Variants in CD2AP observed in about 807,000 individuals in gnomAD.
The protein encoded by CD2AP is CD2 associated protein.
CD2AP carries 46 observed loss-of-function variants against 85.1 expected under a neutral mutation model. That is an observed-to-expected ratio of 0.54 (90% CI 0.43 to 0.69). The LOEUF (loss-of-function observed/expected upper bound fraction) is 0.69. CD2AP is among the 30% of genes least tolerant of loss of function. CD2AP has a pLI of 0.00. For synonymous variants in CD2AP, 255 were observed against 252.9 expected, an observed-to-expected ratio of 1.01 and a Z score of -0.08; for missense variants, 769 against 729.5, an observed-to-expected ratio of 1.05 and a Z score of -0.62.
chr6:47,595,102 T>A (rs1461337811), intron 11 of CD2AP, among the ~76,000 whole-genome samples: 1 of 152,076 alleles, frequency 6.6e-6, no homozygotes, highest in Admixed American at 6.6e-5. Context: ...TTTTAATACC[T>A]ATTTATGAGC....
At chr6:47,589,394 A>ACACACACACACACACACAC (rs70999637) in intron 11 of CD2AP, among the ~76,000 whole-genome samples, 1 of 151,426 alleles carries the variant, frequency 6.6e-6, no homozygotes, top group South Asian at 2.1e-4. Flanking sequence ...ACACACACAC[A>ACACACACACACACACACAC]AATGTATATA....
intron 1 of CD2AP, among the ~76,000 whole-genome samples, chr6:47,487,496 C>T (rs927539430): frequency 2.6e-5 from 4 of 152,136 alleles, no homozygotes; most frequent in African/African-American, 9.7e-5. Flanking sequence ...CGAGACCATC[C>T]TGGCTAACAC....
chr6:47,605,577 G>A (rs760002947), intron 13 of CD2AP, among the ~76,000 whole-genome samples: 1 of 151,650 alleles, frequency 6.6e-6, no homozygotes, highest in African/African-American at 2.4e-5. Context: ...TCTAAACAAA[G>A]GTGCAGTGAA....
At chr6:47,583,263 CACT>C (rs1768530436) in intron 11 of CD2AP, among the ~76,000 whole-genome samples, 1 of 152,166 alleles carries the variant, frequency 6.6e-6, no homozygotes. Flanking sequence ...CCTACATTGA[CACT>C]TCTTTATCAC....
chr6:47,553,809 C>G (rs897085243), intron 4 of CD2AP, among the ~76,000 whole-genome samples: 1 of 151,996 alleles, frequency 6.6e-6, no homozygotes, highest in Non-Finnish European at 1.5e-5. Flanking sequence ...GTGTTTGATT[C>G]ATGAGGATAT....
At chr6:47,594,589 G>C (rs184579164) in intron 11 of CD2AP, among the ~76,000 whole-genome samples, 1 of 151,804 alleles carries the variant, frequency 6.6e-6, no homozygotes, top group Non-Finnish European at 1.5e-5. Context: ...ATTTAAGTTT[G>C]GCTGGTTGTT....
intron 2 of CD2AP, among the ~76,000 whole-genome samples, chr6:47,524,916 A>G (rs2114012029): frequency 6.6e-6 from 1 of 152,320 alleles, no homozygotes; most frequent in South Asian, 2.1e-4. Flanking sequence ...GACGATACGT[A>G]CTGATTTCAT....
At chr6:47,576,753 C>G (rs1768324290) in intron 7 of CD2AP, 151 bp downstream of exon 7, 2 of 685,646 alleles carry the variant, frequency 2.9e-6, no homozygotes, top group Non-Finnish European at 5.1e-6. Flanking sequence ...TTTTGATATA[C>G]TTTGTTGGTT....
intron 2 of CD2AP, among the ~76,000 whole-genome samples, chr6:47,517,917 C>T (rs1050378300): frequency 2.0e-5 from 3 of 151,954 alleles, no homozygotes; most frequent in Admixed American, 6.6e-5. Context: ...TAGTAGACTT[C>T]GCTTACTAAA....
chr6:47,495,183 T>C lies in CD2AP; in HGVS notation c.5-8097T>C, dbSNP rs569767473. 3.8e-4 allele frequency among the ~76,000 whole-genome samples: 58 copies of C among 152,112 alleles called. No homozygotes were observed. The South Asian group carries it at 0.011, about 30-fold the overall frequency. ...GCGTCAAAAAGAGAGAGAGAAATAG[T>C]CTTTTCAGGTGTGATTAAGGATTTC... On this transcript the variant is annotated intron_variant, in intron 1 of 17. Transcript: ENST00000359314.
At chr6:47,537,291 T>C (rs1467000474) in intron 3 of CD2AP, among the ~76,000 whole-genome samples, 1 of 152,210 alleles carries the variant, frequency 6.6e-6, no homozygotes, top group Non-Finnish European at 1.5e-5. Flanking sequence ...TATGCATCTT[T>C]GCAGCATACC....
chr6:47,534,351 A>G (rs1766969501), intron 3 of CD2AP, among the ~76,000 whole-genome samples: 1 of 152,194 alleles, frequency 6.6e-6, no homozygotes, highest in Non-Finnish European at 1.5e-5. Context: ...AAAAAGCAAA[A>G]CAAAACAAAA....
At chr6:47,610,971 A>ATTTTTTTTT (rs11331165) in intron 16 of CD2AP, among the ~76,000 whole-genome samples, 7 of 112,902 alleles carry the variant, frequency 6.2e-5, no homozygotes, top group African/African-American at 2.5e-4. Flanking sequence ...ATATATATGT[A>ATTTTTTTTT]TTTTTTTTTT....
At chr6:47,620,590 T>C (rs1769716430) in intron 17 of CD2AP, among the ~76,000 whole-genome samples, 1 of 152,138 alleles carries the variant, frequency 6.6e-6, no homozygotes, top group South Asian at 2.1e-4. Flanking sequence ...TGAAGAATGA[T>C]GGTGGTATTT....
intron 11 of CD2AP, among the ~76,000 whole-genome samples, chr6:47,592,336 G>A (rs1768824138): frequency 6.6e-6 from 1 of 151,974 alleles, no homozygotes; most frequent in Non-Finnish European, 1.5e-5. Context: ...CACACTGTAA[G>A]CAAAAAGTAA....
intron 2 of CD2AP, among the ~76,000 whole-genome samples, chr6:47,505,251 A>C (rs1766109923): frequency 6.8e-6 from 1 of 147,264 alleles, no homozygotes; most frequent in Non-Finnish European, 1.5e-5. Context: ...TGCTGCCTTC[A>C]AGCATCTGTT....
intron 2 of CD2AP, among the ~76,000 whole-genome samples, chr6:47,504,639 C>T (rs898849908): frequency 6.6e-5 from 10 of 152,008 alleles, no homozygotes; most frequent in Admixed American, 2.0e-4. Context: ...GTGGAGCCTG[C>T]GGATGTGGAG....
At chr6:47,543,260 C>T (rs1169518907) in intron 3 of CD2AP, among the ~76,000 whole-genome samples, 4 of 150,608 alleles carry the variant, frequency 2.7e-5, no homozygotes, top group East Asian at 2.0e-4. Context: ...AGGTGGGCTT[C>T]GTGGATGAAA....
At chr6:47,548,899 A>G (rs1037771186) in intron 4 of CD2AP, among the ~76,000 whole-genome samples, 5 of 152,234 alleles carry the variant, frequency 3.3e-5, no homozygotes. Context: ...ATAGTTTAAC[A>G]TACGCAAGTC....
Sources: gnomAD v4.1 joint callset for allele counts (sites outside exome capture counted in the v4.1 genomes callset) on GRCh38, gnomAD v4.1.1 for gene constraint, MANE v1.5 for transcripts, NCBI Gene and HGNC (gene_info 2026-07-23, HGNC 2026-07-21) for gene names.